The following MYBL1 variants were observed in gnomAD, a reference collection of about 807,000 sequenced individuals.
MYBL1 encodes myb-related protein A.
A neutral mutation model predicts 96.3 loss-of-function variants in MYBL1; 17 were observed. That is an observed-to-expected ratio of 0.18 (90% CI 0.12 to 0.26). The LOEUF (loss-of-function observed/expected upper bound fraction) is 0.26. MYBL1 is among the 10% of genes least tolerant of loss of function. The probability of loss-of-function intolerance (pLI) is 1.00; values close to 1 mark genes in which losing one functional copy is unlikely to be tolerated. For synonymous variants in MYBL1, 282 were observed against 292.7 expected (o/e 0.96, Z 0.37); for missense variants, 701 against 882.9 (o/e 0.79, Z 2.61).
intron 10 of MYBL1, among the ~76,000 whole-genome samples, chr8:66,575,162 A>G (rs1808885192): frequency 6.6e-6 from 1 of 152,226 alleles, no homozygotes; most frequent in African/African-American, 2.4e-5. Context: ...ACAAGAGGAG[A>G]AAGTAAGTAG....
chr8:66,605,309 G>A (rs1365993167), intron 1 of MYBL1, among the ~76,000 whole-genome samples: 1 of 152,072 alleles, frequency 6.6e-6, no homozygotes, highest in African/African-American at 2.4e-5. Flanking sequence ...AAATCTAGAA[G>A]GCAAATGAGC....
intron 3 of MYBL1, among the ~76,000 whole-genome samples, chr8:66,600,819 A>G (rs1810037385): frequency 6.6e-6 from 1 of 152,150 alleles, no homozygotes; most frequent in Non-Finnish European, 1.5e-5. Context: ...GTCAATATTT[A>G]AATTCAAATA....
intron 5 of MYBL1, 102 bp downstream of exon 5, chr8:66,597,228 A>T: frequency 1.2e-6 from 1 of 850,194 alleles, no homozygotes; most frequent in Non-Finnish European, 1.7e-6. Context: ...TTAATTACAA[A>T]TTTAAAAAAT....
At position 66,566,140 on chromosome 8, in the gene MYBL1, T is replaced by C. The variant is rs971450004; in HGVS notation, c.2054A>G (p.Asn685Ser). ...IPEKQDINST[N>S]KTYTLTKKKP... Reference sequence around the variant, plus strand: ...CTTTTTAGTAAGTGTATATGTTTTGTTGGTTGAATTTATATCTTGTTTTTC... The same window carrying C: ...CTTTTTAGTAAGTGTATATGTTTTGCTGGTTGAATTTATATCTTGTTTTTC... Residue 685 changes from asparagine to serine, a missense_variant, in exon 15 of 16, where the codon AAC becomes AGC. Asn to Ser is a conservative substitution (Grantham distance 46). This residue lies in a region of MYBL1 where 137 missense variants were observed against 137.5 expected (regional missense o/e 1.00). Coordinates refer to ENST00000522677, the MANE Select transcript of MYBL1 (RefSeq NM_001080416.4). The C allele has an allele frequency of 1.9e-6, 3 of 1,542,782 alleles. No homozygotes were observed. The African/African-American group carries it at 4.1e-5, about 21-fold the overall frequency.
intron 8 of MYBL1, among the ~76,000 whole-genome samples, chr8:66,591,576 G>T (rs1363668013): frequency 6.6e-6 from 1 of 151,826 alleles, no homozygotes; most frequent in African/African-American, 2.4e-5. Context: ...TCTTTTAGAA[G>T]AATTGTTTAG....
At chr8:66,606,351 A>G (rs11993354) in intron 1 of MYBL1, among the ~76,000 whole-genome samples, 16,017 of 152,228 alleles carry the variant, frequency 0.11, 1,891 homozygotes, top group African/African-American at 0.28. Flanking sequence ...TATTACGTGC[A>G]TAGGCTGATC....
rs185188814 is a variant in MYBL1 at position 66,599,639 on chromosome 8, A to G, written c.199-497T>C. Reference sequence around the variant, plus strand: ...AACATGGAGAAACCCCGTCTCTACTAAAAATACAAAATTAGCCGGATGTGG... The same window carrying G: ...AACATGGAGAAACCCCGTCTCTACTGAAAATACAAAATTAGCCGGATGTGG... On this transcript the variant is annotated intron_variant, in intron 3 of 15. Coordinates refer to ENST00000522677, the MANE Select transcript of MYBL1 (RefSeq NM_001080416.4). 1.8e-3 allele frequency among the ~76,000 whole-genome samples: 280 copies of G among 152,236 alleles called. 1 individual carries two copies. The highest frequency in any genetic ancestry group is 6.3e-3 in the African/African-American group (262 of 41,534).
Position 66,576,067 on chromosome 8 carries a change from A to T in MYBL1, c.1410T>A (p.Asp470Glu), listed in dbSNP as rs1808927617. Residue 470 changes from aspartate (D) to glutamate (E), a missense_variant, in exon 10 of 16, where the codon GAT becomes GAA. Transcript: ENST00000522677. ...TATGTTTTAGCGCCATATTACCACC[A>T]TCGTTCAATGAGCCATCCCTAAGTT... Reference protein sequence around the residue: ...GSELRDGSLNDGGNMALKHTP... With the variant: ...GSELRDGSLNEGGNMALKHTP... 6.2e-7 allele frequency: 1 copy of T among 1,613,804 alleles called. No individual in the cohort carries two copies. Among genetic ancestry groups the T allele is most frequent in the Non-Finnish European group, 8.5e-7 (1 of 1,179,860 alleles).
intron 9 of MYBL1, among the ~76,000 whole-genome samples, chr8:66,576,797 C>G (rs766203676): frequency 1.3e-5 from 2 of 152,064 alleles, no homozygotes; most frequent in African/African-American, 4.8e-5. Flanking sequence ...TTCAATTTAA[C>G]CTAAAGACAT....
intron 1 of MYBL1, among the ~76,000 whole-genome samples, chr8:66,610,951 C>A (rs1473602734): frequency 6.6e-6 from 1 of 152,140 alleles, no homozygotes; most frequent in Non-Finnish European, 1.5e-5. Context: ...TTAACTTACA[C>A]AACTGTCAAG....
Position 66,570,111 on chromosome 8 carries a change from T to C in MYBL1, c.1728+2371A>G, listed in dbSNP as rs189912198. Among the ~76,000 whole-genome samples the C allele has an allele frequency of 2.9e-3, 437 of 152,308 alleles. 4 individuals carry two copies. Among genetic ancestry groups the C allele is most frequent in the Middle Eastern group, 6.8e-3 (2 of 294 alleles). ...GAGATGTATGAGCCTATAGATATTCTAGGAATTTTAATTTATAAATCATTG... is the reference window on the plus strand; with the variant it reads ...GAGATGTATGAGCCTATAGATATTCCAGGAATTTTAATTTATAAATCATTG... On this transcript the variant is annotated intron_variant, in intron 12 of 15. Coordinates refer to ENST00000522677, the MANE Select transcript of MYBL1 (RefSeq NM_001080416.4).
At chr8:66,584,000 A>G (rs984337433) in intron 8 of MYBL1, among the ~76,000 whole-genome samples, 3 of 152,184 alleles carry the variant, frequency 2.0e-5, no homozygotes, top group African/African-American at 7.2e-5. Flanking sequence ...AAATAAAGAA[A>G]ACTGTAAGCC....
Position 66,613,199 on chromosome 8 carries a change from C to G in MYBL1, c.-361G>C. On this transcript the variant is annotated 5_prime_UTR_variant, in exon 1 of 16. Transcript: ENST00000522677. ...CAGGCGCCCGACCCCTGCCCTCTCC[C>G]CCGCAGCTAGCAGTTCTGCAGGGCT... 2.5e-6 allele frequency: 1 copy of G among 400,390 alleles called. No individual in the cohort carries two copies. The highest frequency in any genetic ancestry group is 3.6e-5 in the East Asian group (1 of 28,060). 24.8% of individuals were successfully genotyped at this position (400,390 alleles called of 1,614,324 possible). A position where few individuals can be genotyped will look rare whatever the true frequency, so the allele number is the denominator to read the frequency against.
At position 66,566,923 on chromosome 8, in the gene MYBL1, A is replaced by G; in HGVS notation, c.1798T>C (p.Phe600Leu). 6.2e-7 allele frequency: 1 copy of G among 1,613,424 alleles called. No homozygotes were observed. The highest frequency in any genetic ancestry group is 1.3e-5 in the African/African-American group (1 of 75,044). ...GCAGGTTCATCTTCCTCTTTGAGGA[A>G]TAGGTCTGTTCCAGTTTCTTCTTTT... Reference protein sequence around the residue: ...VLKEETGTDLFLKEEDEPAYK... With the variant: ...VLKEETGTDLLLKEEDEPAYK... Residue 600 changes from phenylalanine (F) to leucine (L), a missense_variant, in exon 13 of 16, where the codon TTC becomes CTC. Around this residue, in one of 5 missense-constraint regions of MYBL1, gnomAD observed 63 missense variants for 109.2 expected, o/e 0.58. Coordinates refer to ENST00000522677, the MANE Select transcript of MYBL1 (RefSeq NM_001080416.4).
At chr8:66,609,804 C>T (rs906279827) in intron 1 of MYBL1, among the ~76,000 whole-genome samples, 2 of 151,946 alleles carry the variant, frequency 1.3e-5, no homozygotes, top group African/African-American at 2.4e-5. Flanking sequence ...AATCCAAACT[C>T]TATATATTAA....
chr8:66,566,263 G>A lies in MYBL1; in HGVS notation c.1951-20C>T, dbSNP rs1460945969. 1.4e-6 allele frequency: 2 copies of A among 1,400,238 alleles called. No homozygotes were observed. Among genetic ancestry groups the A allele is most frequent in the East Asian group, 2.6e-5 (1 of 38,948 alleles). 86.7% of individuals were successfully genotyped at this position (1,400,238 alleles called of 1,614,324 possible). A position where few individuals can be genotyped will look rare whatever the true frequency, so the allele number is the denominator to read the frequency against. ...TTCTGACTAAGAGAGAAAAAAGAAA[G>A]AGGAAAATAACTAATTCAAAAATGG... On this transcript the variant is annotated intron_variant, in intron 14 of 15. Transcript: ENST00000522677.
intron 3 of MYBL1, 33 bp from the exon 4 acceptor site, chr8:66,599,175 A>G: frequency 6.7e-7 from 1 of 1,486,566 alleles, no homozygotes; most frequent in Non-Finnish European, 9.0e-7. Context: ...GTTATTAAAC[A>G]ACTGTCTTCC....
At chr8:66,603,704 C>T (rs1810197649) in intron 1 of MYBL1, among the ~76,000 whole-genome samples, 1 of 151,810 alleles carries the variant, frequency 6.6e-6, no homozygotes, top group South Asian at 2.1e-4. Flanking sequence ...GTTGCTCCAC[C>T]CGCAATGCTG....
At chr8:66,595,976 C>A (rs902409174) in intron 5 of MYBL1, among the ~76,000 whole-genome samples, 27 of 151,906 alleles carry the variant, frequency 1.8e-4, no homozygotes, top group African/African-American at 5.6e-4. Context: ...GTTCTAAGCA[C>A]CAGAAATATT....
Sources: gnomAD v4.1 joint callset for allele counts (sites outside exome capture counted in the v4.1 genomes callset) on GRCh38, gnomAD v4.1.1 for gene constraint, gnomAD v4.1.1 regional missense constraint, MANE v1.5 for transcripts, NCBI Gene and HGNC (gene_info 2026-07-23, HGNC 2026-07-21) for gene names.